Variants in PRTFDC1 observed in about 807,000 individuals in gnomAD.
The protein encoded by PRTFDC1 is phosphoribosyl transferase domain containing 1.
PRTFDC1 carries 38 observed loss-of-function variants against 34.6 expected under a neutral mutation model. That is an observed-to-expected ratio of 1.10 (90% CI 0.85 to 1.44). The LOEUF (loss-of-function observed/expected upper bound fraction) is 1.44. Ranked by LOEUF, PRTFDC1 falls within the 40% of genes most tolerant of loss-of-function variation. PRTFDC1 has a pLI of 0.00. For synonymous variants in PRTFDC1, 93 were observed against 98.1 expected, an observed-to-expected ratio of 0.95 and a Z score of 0.31; for missense variants, 270 against 283.0, an observed-to-expected ratio of 0.95 and a Z score of 0.33.
At chr10:24,856,422 G>T (rs1034945418) in intron 6 of PRTFDC1, among the ~76,000 whole-genome samples, 1 of 151,818 alleles carries the variant, frequency 6.6e-6, no homozygotes, top group Non-Finnish European at 1.5e-5. Flanking sequence ...CCCCATCTCT[G>T]CTAAAAATAC....
At chr10:24,885,031 G>A (rs1848142584) in intron 3 of PRTFDC1, among the ~76,000 whole-genome samples, 1 of 152,258 alleles carries the variant, frequency 6.6e-6, no homozygotes, top group Non-Finnish European at 1.5e-5. Flanking sequence ...TTGCCCAGCA[G>A]ATACCATGTC....
chr10:24,941,296 C>T (rs147096522), intron 2 of PRTFDC1, among the ~76,000 whole-genome samples: 2,162 of 152,116 alleles, frequency 0.014, 26 homozygotes, highest in Admixed American at 0.025. Flanking sequence ...CTCAAACAGT[C>T]CTCTTGCCTC....
chr10:24,936,259 G>A (rs1449583370), intron 3 of PRTFDC1, among the ~76,000 whole-genome samples: 3 of 152,042 alleles, frequency 2.0e-5, no homozygotes, highest in Admixed American at 1.3e-4. Context: ...CATCATAGAG[G>A]GAGGAGGAGG....
chr10:24,851,861 G>A (rs899041163), intron 7 of PRTFDC1, among the ~76,000 whole-genome samples: 4 of 151,666 alleles, frequency 2.6e-5, no homozygotes, highest in South Asian at 2.1e-4. Flanking sequence ...AGCAGAAGGC[G>A]TTACGACGCT....
chr10:24,880,861 TTC>T (rs1491197554), intron 3 of PRTFDC1, among the ~76,000 whole-genome samples: 1 of 148,190 alleles, frequency 6.7e-6, no homozygotes, highest in African/African-American at 2.6e-5. Context: ...CTTTCTTTCT[TTC>T]TTTCTTTCTT....
intron 2 of PRTFDC1, among the ~76,000 whole-genome samples, chr10:24,938,755 G>A (rs1287161716): frequency 6.6e-6 from 1 of 152,206 alleles, no homozygotes; most frequent in Non-Finnish European, 1.5e-5. Flanking sequence ...AGCAGAGTGA[G>A]TTCAAGCCAC....
chr10:24,875,218 A>C (rs964825930), intron 3 of PRTFDC1, among the ~76,000 whole-genome samples: 1 of 152,232 alleles, frequency 6.6e-6, no homozygotes, highest in Non-Finnish European at 1.5e-5. Context: ...AGATAAGGCT[A>C]ATTAGCATAT....
intron 3 of PRTFDC1, among the ~76,000 whole-genome samples, chr10:24,916,160 G>A (rs147235728): frequency 1.2e-4 from 19 of 152,180 alleles, no homozygotes; most frequent in African/African-American, 4.6e-4. Context: ...AGCACGTATG[G>A]GTGATGGCTT....
Position 24,952,408 on chromosome 10 carries a change from G to A in PRTFDC1, c.48+120C>T. 1 of 1,183,366 alleles carries A rather than the reference G, an allele frequency of 8.5e-7. No individual in the cohort carries two copies. The highest frequency in any genetic ancestry group is 1.2e-6 in the Non-Finnish European group (1 of 819,820). The allele number at this position is 1,183,366 out of a possible 1,614,324, so 73.3% of individuals were successfully genotyped here. ...AGGATGGAAGCGATCCCCGCCGGGA[G>A]GGAGAACAAAGCGGTGGCCCTCTCT... is the stretch of plus-strand genomic sequence containing the variant. On this transcript the variant is annotated intron_variant, in intron 1 of 8. Transcript: ENST00000320152. The surrounding 1 kb of genome is among the most constrained non-coding windows in gnomAD (Gnocchi z 5.1).
At chr10:24,888,613 C>T (rs1478941362) in intron 3 of PRTFDC1, among the ~76,000 whole-genome samples, 1 of 152,146 alleles carries the variant, frequency 6.6e-6, no homozygotes, top group Non-Finnish European at 1.5e-5. Context: ...CTATGAGTAG[C>T]TGTCATTCAT....
chr10:24,913,966 T>C (rs1464321773), intron 3 of PRTFDC1, among the ~76,000 whole-genome samples: 1 of 152,232 alleles, frequency 6.6e-6, no homozygotes, highest in Non-Finnish European at 1.5e-5. Flanking sequence ...CTGGGAAATA[T>C]CCACTTTGTC....
chr10:24,883,964 C>T (rs1848123342), intron 3 of PRTFDC1, among the ~76,000 whole-genome samples: 1 of 151,660 alleles, frequency 6.6e-6, no homozygotes, highest in South Asian at 2.1e-4. Flanking sequence ...GCTGGGACTA[C>T]AGTCATGCAC....
At chr10:24,893,193 C>CATCTCTTAATAAT (rs1848293939) in intron 3 of PRTFDC1, among the ~76,000 whole-genome samples, 1 of 152,068 alleles carries the variant, frequency 6.6e-6, no homozygotes, top group Non-Finnish European at 1.5e-5. Flanking sequence ...TTCATGAGTC[C>CATCTCTTAATAAT]ATCTCTTAAT....
intron 7 of PRTFDC1, among the ~76,000 whole-genome samples, chr10:24,852,460 G>C (rs902203062): frequency 2.0e-5 from 3 of 152,054 alleles, no homozygotes; most frequent in Non-Finnish European, 4.4e-5. Flanking sequence ...GCTATTTTTT[G>C]AGAAAGGATC....
At chr10:24,858,092 G>A (rs1847614437) in intron 5 of PRTFDC1, among the ~76,000 whole-genome samples, 2 of 152,166 alleles carry the variant, frequency 1.3e-5, no homozygotes, top group African/African-American at 4.8e-5. Flanking sequence ...GGTTCAGTGA[G>A]CTAGTTTCCT....
At chr10:24,876,037 G>A (rs1847957578) in intron 3 of PRTFDC1, among the ~76,000 whole-genome samples, 1 of 151,786 alleles carries the variant, frequency 6.6e-6, no homozygotes, top group Non-Finnish European at 1.5e-5. Flanking sequence ...GAGCTTTTTA[G>A]TATGTTTTAA....
At chr10:24,886,092 T>C (rs1278746242) in intron 3 of PRTFDC1, among the ~76,000 whole-genome samples, 1 of 152,098 alleles carries the variant, frequency 6.6e-6, no homozygotes, top group Admixed American at 6.6e-5. Flanking sequence ...TCTAAACTCA[T>C]AGAATATACA....
chr10:24,908,233 C>T (rs915093164), intron 3 of PRTFDC1: 3 of 372,272 alleles, frequency 8.1e-6, no homozygotes, highest in East Asian at 4.7e-5. Flanking sequence ...TGTTGCGTTG[C>T]GTTGCGTTGA....
At chr10:24,850,488 T>C (rs556192618) in intron 8 of PRTFDC1, among the ~76,000 whole-genome samples, 14 of 152,182 alleles carry the variant, frequency 9.2e-5, no homozygotes, top group African/African-American at 3.4e-4. Flanking sequence ...AAATATTAGC[T>C]AGGCATAGTG....
Sources: gnomAD v4.1 joint callset for allele counts (sites outside exome capture counted in the v4.1 genomes callset) on GRCh38, gnomAD v4.1.1 for gene constraint, Gnocchi (gnomAD v3.1) non-coding constraint, MANE v1.5 for transcripts, NCBI Gene and HGNC (gene_info 2026-07-23, HGNC 2026-07-21) for gene names.